The following ARHGAP44 variants were observed in gnomAD, a reference collection of about 807,000 sequenced individuals.
ARHGAP44 encodes Rho GTPase activating protein 44.
A neutral mutation model predicts 106.8 loss-of-function variants in ARHGAP44; 43 were observed. That is an observed-to-expected ratio of 0.40 (90% CI 0.32 to 0.52). The LOEUF is 0.52. Ranked by LOEUF, ARHGAP44 falls within the 20% of genes least tolerant of loss-of-function variation. The pLI is 0.48. For synonymous variants in ARHGAP44, 439 were observed against 410.3 expected (o/e 1.07, Z -0.85); for missense variants, 866 against 1,050.5 (o/e 0.82, Z 2.43).
rs560210474 is a variant in ARHGAP44, at chr17:12,943,644, A to G, written c.708A>G (p.Val236=). The change falls in exon 9 of 21, where the codon GTA becomes GTG. Residue 236 remains valine (V), a synonymous_variant. Transcript: ENST00000379672. ...HRKSLTLLQA[V]LPQIKAQQEA... ...AGTCCCTGACACTATTGCAGGCTGT[A>G]TTGCCTCAGATCAAAGCACAACAGG... is the stretch of plus-strand genomic sequence containing the variant. 9 of 1,613,850 alleles carry G rather than the reference A, an allele frequency of 5.6e-6. No individual in the cohort carries two copies. In the South Asian group the frequency reaches 8.8e-5, roughly 16 times the overall value.
chr17:12,857,467 CATCTT>C (rs1230396999), intron 1 of ARHGAP44, among the ~76,000 whole-genome samples: 2 of 152,168 alleles, frequency 1.3e-5, no homozygotes, highest in Non-Finnish European at 2.9e-5. Context: ...CACTCTTCCT[CATCTT>C]ATAAAGCCAC....
At position 12,990,257 on chromosome 17, in the gene ARHGAP44, G is replaced by T; in HGVS notation, c.*86G>T. 2 of 1,500,102 alleles carry T rather than the reference G, an allele frequency of 1.3e-6. No homozygotes were observed. The highest frequency in any genetic ancestry group is 1.8e-6 in the Non-Finnish European group (2 of 1,112,538). The allele number at this position is 1,500,102 out of a possible 1,614,324, so 92.9% of individuals were successfully genotyped here. ...GGAGCAGCGTCCATGAGCTTGCCAA[G>T]TGTTCTCTGCTGGCTCTTTCCTGCC... On this transcript the variant is annotated 3_prime_UTR_variant, in exon 21 of 21. Coordinates refer to ENST00000379672, the MANE Select transcript of ARHGAP44 (RefSeq NM_014859.6).
At chr17:12,926,643 G>A (rs1001568138) in intron 6 of ARHGAP44, among the ~76,000 whole-genome samples, 1 of 150,438 alleles carries the variant, frequency 6.6e-6, no homozygotes, top group Non-Finnish European at 1.5e-5. Context: ...ATAAAATCTG[G>A]AGGAAAAAAT....
At chr17:12,790,086 C>T (rs887784453) in intron 1 of ARHGAP44, 195 bp downstream of exon 1, 5 of 505,206 alleles carry the variant, frequency 9.9e-6, no homozygotes, top group South Asian at 6.3e-5. Flanking sequence ...TCTTCTCACT[C>T]GCCGCCTTCT....
At chr17:12,948,752 C>CACACCCACACA (rs1221163562) in intron 10 of ARHGAP44, among the ~76,000 whole-genome samples, 4 of 140,794 alleles carry the variant, frequency 2.8e-5, no homozygotes, top group Middle Eastern at 3.4e-3. Context: ...ACACACACAC[C>CACACCCACACA]CCCTGTAGAC....
chr17:12,967,907 A>G (rs1367431221), intron 16 of ARHGAP44, among the ~76,000 whole-genome samples: 1 of 152,212 alleles, frequency 6.6e-6, no homozygotes, highest in Non-Finnish European at 1.5e-5. Context: ...CCCTGCATGC[A>G]GAGTCTTGAG....
intron 1 of ARHGAP44, among the ~76,000 whole-genome samples, chr17:12,894,695 TGTC>T (rs3217018): frequency 0.047 from 7,227 of 152,238 alleles, 234 homozygotes; most frequent in Admixed American, 0.081. Context: ...ATACATTTGT[TGTC>T]ATGAATCCAG....
In ARHGAP44 at chr17:12,919,762, T is replaced by C; in HGVS notation, c.395T>C (p.Ile132Thr). Residue 132 changes from isoleucine (I) to threonine (T), a missense_variant, in exon 6 of 21, where the codon ATC becomes ACC. By Grantham distance (89) the Ile-to-Thr change is moderately conservative. Around this residue, in one of 2 missense-constraint regions of ARHGAP44, gnomAD observed 448 missense variants for 646.9 expected, o/e 0.69. Transcript: ENST00000379672. Reference protein sequence around the residue: ...EPLFLLAEVEIPNIQKQRKHL... With the variant: ...EPLFLLAEVETPNIQKQRKHL... ...TATGTTGTGTAACCACAGGTGGAAATCCCAAATATTCAAAAGCAGAGGAAA... is the reference window on the plus strand; with the variant it reads ...TATGTTGTGTAACCACAGGTGGAAACCCCAAATATTCAAAAGCAGAGGAAA... 6.2e-7 allele frequency: 1 copy of C among 1,612,150 alleles called. No individual in the cohort carries two copies. The highest frequency in any genetic ancestry group is 8.5e-7 in the Non-Finnish European group (1 of 1,179,136).
intron 20 of ARHGAP44, 121 bp from the exon 21 acceptor site, chr17:12,989,911 A>G (rs1256434926): frequency 2.8e-6 from 4 of 1,410,306 alleles, no homozygotes; most frequent in African/African-American, 2.8e-5. Flanking sequence ...CAACCTCCAA[A>G]TGATCTATCC....
chr17:12,874,367 T>C (rs1441619752), intron 1 of ARHGAP44, among the ~76,000 whole-genome samples: 1 of 151,458 alleles, frequency 6.6e-6, no homozygotes, highest in East Asian at 1.9e-4. Flanking sequence ...GAAGCAGAGG[T>C]GGAGATGAGC....
At chr17:12,813,772 A>G (rs2034510258) in intron 1 of ARHGAP44, among the ~76,000 whole-genome samples, 1 of 148,078 alleles carries the variant, frequency 6.8e-6, no homozygotes, top group Admixed American at 6.7e-5. Context: ...ATGTGCATAT[A>G]TACAAGGATA....
chr17:12,897,341 T>C (rs184984957), intron 3 of ARHGAP44, among the ~76,000 whole-genome samples: 18 of 152,200 alleles, frequency 1.2e-4, no homozygotes, highest in Non-Finnish European at 2.1e-4. Context: ...GTTAGCCTCA[T>C]TTCTGTTGGA....
At chr17:12,816,429 T>A (rs1341660441) in intron 1 of ARHGAP44, among the ~76,000 whole-genome samples, 1 of 152,116 alleles carries the variant, frequency 6.6e-6, no homozygotes, top group Non-Finnish European at 1.5e-5. Context: ...AGGAATTATA[T>A]TAGGGTAGGG....
At chr17:12,869,562 G>C (rs950937356) in intron 1 of ARHGAP44, among the ~76,000 whole-genome samples, 2 of 151,820 alleles carry the variant, frequency 1.3e-5, no homozygotes, top group African/African-American at 2.4e-5. Flanking sequence ...CATTGCCACC[G>C]CCCATCTCCA....
chr17:12,835,633 A>T (rs1442280291), intron 1 of ARHGAP44, among the ~76,000 whole-genome samples: 1 of 151,916 alleles, frequency 6.6e-6, no homozygotes, highest in Non-Finnish European at 1.5e-5. Context: ...TTATTTAATT[A>T]AAAAAAATTG....
intron 1 of ARHGAP44, among the ~76,000 whole-genome samples, chr17:12,837,372 A>T (rs1001067814): frequency 6.6e-6 from 1 of 152,334 alleles, no homozygotes; most frequent in South Asian, 2.1e-4. Flanking sequence ...AGAACATCTT[A>T]TGTAACCCAT....
intron 6 of ARHGAP44, among the ~76,000 whole-genome samples, chr17:12,927,222 T>A (rs937577784): frequency 3.3e-5 from 5 of 152,218 alleles, no homozygotes; most frequent in African/African-American, 7.2e-5. Context: ...CAGCTTGATG[T>A]CTCAAAACCT....
rs184169171 is a variant in ARHGAP44, at chr17:12,938,328, A to T, written c.583-2728A>T. 9.3e-3 allele frequency among the ~76,000 whole-genome samples: 1,423 copies of T among 152,282 alleles called. 22 individuals carry two copies. The highest frequency in any genetic ancestry group is 0.033 in the African/African-American group (1,361 of 41,572). ...ATTGTAGTAAATTTTTCAAAGAATGAAAAAAGATTTCAAAAGTTAATATGG... is the reference window on the plus strand; with the variant it reads ...ATTGTAGTAAATTTTTCAAAGAATGTAAAAAGATTTCAAAAGTTAATATGG... On this transcript the variant is annotated intron_variant, in intron 7 of 20. Coordinates refer to ENST00000379672, the MANE Select transcript of ARHGAP44 (RefSeq NM_014859.6).
intron 1 of ARHGAP44, among the ~76,000 whole-genome samples, chr17:12,813,346 A>C (rs1197601752): frequency 2.0e-5 from 3 of 152,070 alleles, no homozygotes; most frequent in African/African-American, 7.2e-5. Flanking sequence ...TCAAAAGTAA[A>C]AATAAGGAGA....
Sources: allele counts gnomAD v4.1 joint callset (sites outside exome capture counted in the v4.1 genomes callset), GRCh38; gene constraint gnomAD v4.1.1; regional missense constraint gnomAD v4.1.1; transcripts MANE v1.5; gene names NCBI Gene and HGNC (gene_info 2026-07-23, HGNC 2026-07-21).